Variants in YWHAE observed in about 807,000 individuals in gnomAD.
YWHAE encodes 14-3-3 protein epsilon.
YWHAE carries 4 observed loss-of-function variants against 30.1 expected under a neutral mutation model. The observed-to-expected ratio is 0.13, with a 90% confidence interval of 0.07 to 0.30. The LOEUF (loss-of-function observed/expected upper bound fraction) is 0.30. YWHAE is among the 10% of genes least tolerant of loss of function. The pLI, the probability that YWHAE is intolerant of heterozygous loss-of-function variation, is 1.00. For synonymous variants in YWHAE, 118 were observed against 111.8 expected, an observed-to-expected ratio of 1.06 and a Z score of -0.35; for missense variants, 121 against 315.9, an observed-to-expected ratio of 0.38 and a Z score of 4.68.
intron 1 of YWHAE, among the ~76,000 whole-genome samples, chr17:1,382,069 G>C (rs922545415): frequency 1.3e-5 from 2 of 152,060 alleles, no homozygotes; most frequent in African/African-American, 4.8e-5. Flanking sequence ...TTTGTTTTGA[G>C]ATGGAGTCTC....
intron 1 of YWHAE, among the ~76,000 whole-genome samples, chr17:1,372,084 C>A (rs1205770567): frequency 1.3e-5 from 2 of 152,066 alleles, no homozygotes; most frequent in Non-Finnish European, 2.9e-5. Context: ...GTGATCCGTC[C>A]GCCTCGGCCC....
At chr17:1,384,359 G>GAGAC (rs1405730409) in intron 1 of YWHAE, among the ~76,000 whole-genome samples, 3 of 151,822 alleles carry the variant, frequency 2.0e-5, no homozygotes, top group Non-Finnish European at 4.4e-5. Flanking sequence ...GGGCAAGAGT[G>GAGAC]AGACCACATC....
chr17:1,353,979 T>C (rs2072684825), intron 5 of YWHAE, among the ~76,000 whole-genome samples: 1 of 152,148 alleles, frequency 6.6e-6, no homozygotes, highest in African/African-American at 2.4e-5. Flanking sequence ...TCTCCACTCC[T>C]CCTGTCCTCA....
At chr17:1,362,546 G>A (rs1195609140) in intron 2 of YWHAE, among the ~76,000 whole-genome samples, 1 of 152,032 alleles carries the variant, frequency 6.6e-6, no homozygotes, top group Non-Finnish European at 1.5e-5. Flanking sequence ...TTCCTTTAGT[G>A]GCAGAGATCC....
Position 1,365,006 on chromosome 17 carries a change from A to C in YWHAE, c.117T>G (p.Val39=). 1.2e-6 allele frequency: 2 copies of C among 1,614,018 alleles called. No homozygotes were observed. The highest frequency in any genetic ancestry group is 1.7e-6 in the Non-Finnish European group (2 of 1,179,998). The change falls in exon 2 of 6, where the codon GTT becomes GTG. Residue 39 remains valine (V), a synonymous_variant. Coordinates refer to ENST00000264335, the MANE Select transcript of YWHAE (RefSeq NM_006761.5). ...CAACAGATAGGAGGTTTCTTTCTTC[A>C]ACTGTCAGCTCCACATCCATCCCTG... ...KVAGMDVELT[V]EERNLLSVAY...
At chr17:1,367,710 A>G (rs1264494714) in intron 1 of YWHAE, among the ~76,000 whole-genome samples, 8 of 152,198 alleles carry the variant, frequency 5.3e-5, no homozygotes, top group Non-Finnish European at 1.0e-4. Flanking sequence ...ACAAGCAACA[A>G]TATGGAAGAA....
At chr17:1,349,522 T>C (rs1358870560) in intron 5 of YWHAE, among the ~76,000 whole-genome samples, 2 of 152,194 alleles carry the variant, frequency 1.3e-5, no homozygotes, top group African/African-American at 2.4e-5. Context: ...GTATTTCACC[T>C]AATAAAAATT....
chr17:1,365,194 AAT>A lies in YWHAE; in HGVS notation c.65-138_65-137del, dbSNP rs2072923551. 11 of 1,034,144 alleles carry A rather than the reference AAT, an allele frequency of 1.1e-5. No individual in the cohort carries two copies. In the East Asian group the frequency reaches 1.6e-4, roughly 15 times the overall value. The allele number at this position is 1,034,144 out of a possible 1,614,324, so 64.1% of individuals were successfully genotyped here. A position where few individuals can be genotyped will look rare whatever the true frequency, so the allele number is the denominator to read the frequency against. On this transcript the variant is annotated intron_variant, in intron 1 of 5. Coordinates refer to ENST00000264335, the MANE Select transcript of YWHAE (RefSeq NM_006761.5). ...AAATAATTTCATAATCATCAAAACT[AAT>A]ATGAGTAAAAAGCCAAAAACATGTA...
At chr17:1,349,652 C>T (rs1293092203) in intron 5 of YWHAE, among the ~76,000 whole-genome samples, 3 of 150,210 alleles carry the variant, frequency 2.0e-5, no homozygotes, top group East Asian at 1.9e-4. Flanking sequence ...CTTGCTCTGT[C>T]GCCCAGGCTG....
At chr17:1,398,341 C>CCCT (rs57778701) in intron 1 of YWHAE, among the ~76,000 whole-genome samples, 79,413 of 148,530 alleles carry the variant, frequency 0.53, 22,944 homozygotes, top group African/African-American at 0.74. Context: ...TTATCCCCCC[C>CCCT]CCCAACAGGA....
intron 1 of YWHAE, among the ~76,000 whole-genome samples, chr17:1,377,733 CA>C (rs1257726881): frequency 3.9e-5 from 6 of 152,182 alleles, no homozygotes; most frequent in South Asian, 4.1e-4. Flanking sequence ...CCCTCTGGAT[CA>C]AACTCAAATG....
intron 4 of YWHAE, among the ~76,000 whole-genome samples, chr17:1,356,452 A>C (rs2072744211): frequency 6.6e-6 from 1 of 152,212 alleles, no homozygotes; most frequent in Admixed American, 6.5e-5. Context: ...TCAAATTTGA[A>C]CTAATCTCAA....
intron 4 of YWHAE, among the ~76,000 whole-genome samples, chr17:1,357,758 T>G (rs1229640048): frequency 2.0e-5 from 3 of 150,626 alleles, no homozygotes; most frequent in Non-Finnish European, 4.4e-5. Context: ...AAAACCCATC[T>G]CTACATAAAA....
chr17:1,357,925 C>CT (rs1285993719), intron 4 of YWHAE, among the ~76,000 whole-genome samples: 1 of 150,478 alleles, frequency 6.6e-6, no homozygotes, highest in Admixed American at 6.6e-5. Context: ...AGACTCTCCT[C>CT]TCGGGGGAAA....
intron 1 of YWHAE, among the ~76,000 whole-genome samples, chr17:1,384,562 A>C (rs373081924): frequency 2.0e-5 from 3 of 151,862 alleles, no homozygotes; most frequent in African/African-American, 7.3e-5. Context: ...GCATGGTGGC[A>C]GGCACCTGTA....
intron 1 of YWHAE, among the ~76,000 whole-genome samples, chr17:1,395,701 TTAC>T (rs201549316): frequency 6.6e-6 from 1 of 152,078 alleles, no homozygotes; most frequent in Non-Finnish European, 1.5e-5. Context: ...CAACGTTAAT[TTAC>T]TACTACCTAT....
At chr17:1,394,772 G>C (rs1160503835) in intron 1 of YWHAE, among the ~76,000 whole-genome samples, 5 of 151,870 alleles carry the variant, frequency 3.3e-5, no homozygotes, top group Non-Finnish European at 1.5e-5. Context: ...TCAGAGATCA[G>C]CCTGGCAAAC....
At chr17:1,360,455 A>T (rs1479827952) in intron 4 of YWHAE, among the ~76,000 whole-genome samples, 1 of 152,158 alleles carries the variant, frequency 6.6e-6, no homozygotes, top group Non-Finnish European at 1.5e-5. Context: ...AACTATTAAA[A>T]ACATGCCCAT....
chr17:1,392,572 G>A (rs1326043091), intron 1 of YWHAE, among the ~76,000 whole-genome samples: 7 of 152,148 alleles, frequency 4.6e-5, no homozygotes, highest in South Asian at 2.1e-4. Flanking sequence ...ATATCTGGCC[G>A]GGTGCGGTGG....
Sources: gnomAD v4.1 joint callset for allele counts (sites outside exome capture counted in the v4.1 genomes callset) on GRCh38, gnomAD v4.1.1 for gene constraint, MANE v1.5 for transcripts, NCBI Gene and HGNC (gene_info 2026-07-23, HGNC 2026-07-21) for gene names.